The following MEIS1 variants were observed in gnomAD, a reference collection of about 807,000 sequenced individuals.
MEIS1 encodes the protein Meis homeobox 1.
Under a neutral mutation model 50.8 loss-of-function variants are expected in MEIS1, and 5 were observed. That is an observed-to-expected ratio of 0.10 (90% CI 0.05 to 0.21). The LOEUF (loss-of-function observed/expected upper bound fraction) is 0.21. MEIS1 is among the 10% of genes least tolerant of loss of function. MEIS1 has a pLI of 1.00. For missense variants in MEIS1, 318 were observed against 517.3 expected (o/e 0.61, Z 3.74); for synonymous variants, 176 against 179.3 (o/e 0.98, Z 0.15).
At chr2:66,560,542 C>T (rs1004195024) in intron 9 of MEIS1, among the ~76,000 whole-genome samples, 3 of 150,730 alleles carry the variant, frequency 2.0e-5, no homozygotes, top group Non-Finnish European at 4.4e-5. Flanking sequence ...TGTGATAGTG[C>T]CACTACACTC....
At position 66,544,639 on chromosome 2, in the gene MEIS1, A is replaced by AAT. The variant is rs368002908; in HGVS notation, c.889-3293_889-3292dup. ...CAGGCTCATTCATTTGTATTAAAAA[A>AAT]ATATATATATATCCCGAACAACTGA... On this transcript the variant is annotated intron_variant, in intron 8 of 12. Coordinates refer to ENST00000272369, the MANE Select transcript of MEIS1 (RefSeq NM_002398.3). Among the ~76,000 whole-genome samples the AAT allele has an allele frequency of 2.6e-5, 4 of 152,112 alleles. No individual in the cohort carries two copies. In the East Asian group the frequency reaches 7.7e-4, roughly 29 times the overall value.
At chr2:66,544,485 A>G (rs1674739775) in intron 8 of MEIS1, among the ~76,000 whole-genome samples, 1 of 152,170 alleles carries the variant, frequency 6.6e-6, no homozygotes, top group African/African-American at 2.4e-5. Context: ...TTTGTGGGAC[A>G]CTAAGGCCAA....
chr2:66,568,646 C>A (rs756528699), intron 10 of MEIS1, 21 bp from the exon 11 acceptor site: 3 of 1,597,178 alleles, frequency 1.9e-6, no homozygotes, highest in Middle Eastern at 1.7e-4. Context: ...TATTAAAAAA[C>A]CACATTCTGT....
intron 9 of MEIS1, among the ~76,000 whole-genome samples, chr2:66,559,736 A>C (rs941225512): frequency 3.9e-5 from 6 of 152,164 alleles, no homozygotes; most frequent in African/African-American, 1.4e-4. Context: ...TTTTAGCTCC[A>C]TAAGGTTATA....
intron 8 of MEIS1, among the ~76,000 whole-genome samples, chr2:66,536,912 T>C (rs545891263): frequency 1.3e-3 from 200 of 152,332 alleles, no homozygotes; most frequent in Non-Finnish European, 2.1e-3. Context: ...GTGAAGACTT[T>C]TTAAATTTTA....
At chr2:66,505,924 T>C (rs1673676076) in intron 7 of MEIS1, among the ~76,000 whole-genome samples, 1 of 152,222 alleles carries the variant, frequency 6.6e-6, no homozygotes, top group Non-Finnish European at 1.5e-5. Context: ...TTTTATTGAT[T>C]TTCATTGGTG....
intron 7 of MEIS1, among the ~76,000 whole-genome samples, chr2:66,490,982 A>G (rs1404146045): frequency 1.3e-5 from 2 of 152,122 alleles, no homozygotes; most frequent in Admixed American, 6.5e-5. Context: ...TTAAACCTCA[A>G]CTTCCCAAGT....
chr2:66,560,952 G>T (rs1045249502), intron 9 of MEIS1, among the ~76,000 whole-genome samples: 3 of 152,124 alleles, frequency 2.0e-5, no homozygotes, highest in African/African-American at 7.2e-5. Context: ...ATTTCATAAG[G>T]TTTGACTTGA....
At chr2:66,514,028 C>T (rs1335894433) in intron 8 of MEIS1, among the ~76,000 whole-genome samples, 8 of 152,162 alleles carry the variant, frequency 5.3e-5, no homozygotes, top group Non-Finnish European at 7.4e-5. Flanking sequence ...CCAGCTAACT[C>T]GCTGTGTGGA....
In MEIS1 at chr2:66,571,755, C is replaced by G. The variant is rs997472778; in HGVS notation, c.*547C>G. The G allele has an allele frequency of 1.1e-5, 6 of 549,044 alleles. No individual in the cohort carries two copies. The highest frequency in any genetic ancestry group is 1.9e-5 in the African/African-American group (1 of 52,286). 34.0% of individuals were successfully genotyped at this position (549,044 alleles called of 1,614,324 possible). A position where few individuals can be genotyped will look rare whatever the true frequency, so the allele number is the denominator to read the frequency against. On this transcript the variant is annotated 3_prime_UTR_variant, in exon 13 of 13. Transcript: ENST00000272369. ...AACAAAGAGTGAAATATTGTAAATGCTATTATACTGTTATCCATATTACGT... is the reference window on the plus strand; with the variant it reads ...AACAAAGAGTGAAATATTGTAAATGGTATTATACTGTTATCCATATTACGT...
chr2:66,536,181 G>A (rs1318250082), intron 8 of MEIS1, among the ~76,000 whole-genome samples: 1 of 152,198 alleles, frequency 6.6e-6, no homozygotes, highest in Non-Finnish European at 1.5e-5. Context: ...CCCGGGATCT[G>A]TGGACTTTGG....
chr2:66,471,198 C>T (rs768093021), intron 7 of MEIS1, among the ~76,000 whole-genome samples: 4 of 152,040 alleles, frequency 2.6e-5, no homozygotes, highest in Non-Finnish European at 5.9e-5. Context: ...AGTTCTGACC[C>T]TCAATTGGAA....
intron 6 of MEIS1, among the ~76,000 whole-genome samples, chr2:66,452,875 G>A (rs535507513): frequency 4.6e-5 from 7 of 151,838 alleles, no homozygotes; most frequent in African/African-American, 4.8e-5. Context: ...ATTATGTCCC[G>A]TACTTCTTTG....
rs1395551607 is a variant in MEIS1, at chr2:66,572,610, G to T, written c.*1402G>T. The T allele has an allele frequency of 2.0e-5, 3 of 152,104 alleles. No individual in the cohort carries two copies. The highest frequency in any genetic ancestry group is 7.2e-5 in the African/African-American group (3 of 41,404). 9.4% of individuals were successfully genotyped at this position (152,104 alleles called of 1,614,324 possible). ...CCTTTTTCTATCAAGAAACCAAGGA[G>T]CTAATTATTAATAACAATCATTGCA... On this transcript the variant is annotated 3_prime_UTR_variant, in exon 13 of 13. Coordinates refer to ENST00000272369, the MANE Select transcript of MEIS1 (RefSeq NM_002398.3).
chr2:66,457,575 T>C (rs1672421336), intron 6 of MEIS1, among the ~76,000 whole-genome samples: 1 of 152,150 alleles, frequency 6.6e-6, no homozygotes, highest in South Asian at 2.1e-4. Context: ...GTATCATTGA[T>C]TGAGGAGTGT....
chr2:66,435,719 G>C lies in MEIS1; in HGVS notation c.-138G>C, dbSNP rs981452679. 1 of 739,596 alleles carries C rather than the reference G, an allele frequency of 1.4e-6. No homozygotes were observed. Among genetic ancestry groups the C allele is most frequent in the Non-Finnish European group, 2.1e-6 (1 of 472,930 alleles). The allele number at this position is 739,596 out of a possible 1,614,324, so 45.8% of individuals were successfully genotyped here. A position where few individuals can be genotyped will look rare whatever the true frequency, so the allele number is the denominator to read the frequency against. On this transcript the variant is annotated 5_prime_UTR_variant, in exon 1 of 13. Coordinates refer to ENST00000272369, the MANE Select transcript of MEIS1 (RefSeq NM_002398.3). ...GGGACCAGTAGCTCACGTTGCTGGAGACGTTAAGGGATTTTTCGTCGTGCT... is the reference window on the plus strand; with the variant it reads ...GGGACCAGTAGCTCACGTTGCTGGACACGTTAAGGGATTTTTCGTCGTGCT...
At chr2:66,516,459 C>T (rs6721499) in intron 8 of MEIS1, among the ~76,000 whole-genome samples, 105,320 of 152,006 alleles carry the variant, frequency 0.69, 37,096 homozygotes, top group African/African-American at 0.81. Context: ...AGCCTTACTA[C>T]AGGGACAAAC....
intron 7 of MEIS1, among the ~76,000 whole-genome samples, chr2:66,511,432 C>T (rs1055586027): frequency 1.3e-5 from 2 of 152,090 alleles, no homozygotes; most frequent in African/African-American, 4.8e-5. Flanking sequence ...CTAGGTTTAC[C>T]TAGCATGAAT....
intron 7 of MEIS1, among the ~76,000 whole-genome samples, chr2:66,498,163 C>T (rs1033608557): frequency 2.6e-5 from 4 of 152,102 alleles, no homozygotes; most frequent in African/African-American, 9.7e-5. Flanking sequence ...TAATGTTCCC[C>T]TGTTCAAATG....
Sources: gnomAD v4.1 joint callset for allele counts (sites outside exome capture counted in the v4.1 genomes callset) on GRCh38, gnomAD v4.1.1 for gene constraint, MANE v1.5 for transcripts, NCBI Gene and HGNC (gene_info 2026-07-23, HGNC 2026-07-21) for gene names.